CTNNB1: variants seen among roughly 807,000 people sequenced by gnomAD.
CTNNB1 encodes the protein catenin beta 1.
In CTNNB1, 6 loss-of-function variants were observed where a neutral mutation model predicts 82.5. That is an observed-to-expected ratio of 0.07 (90% CI 0.04 to 0.14). The LOEUF is 0.14. CTNNB1 is among the 10% of genes least tolerant of loss of function. The pLI is 1.00. For missense variants in CTNNB1, 529 were observed against 980.4 expected, an observed-to-expected ratio of 0.54 and a Z score of 6.15; for synonymous variants, 312 against 329.7, an observed-to-expected ratio of 0.95 and a Z score of 0.58.
At chr3:41,221,579 C>T (rs1299055647) in intron 1 of CTNNB1, 1 of 152,028 alleles carries the variant, frequency 6.6e-6, no homozygotes, top group African/African-American at 2.4e-5. Flanking sequence ...TCTTGTGCTG[C>T]AGCAATCCAC....
intron 3 of CTNNB1, 59 bp downstream of exon 3, chr3:41,224,812 A>G (rs2078136856): frequency 1.3e-6 from 2 of 1,594,852 alleles, no homozygotes; most frequent in South Asian, 1.1e-5. Flanking sequence ...TGAGAACTAA[A>G]AAGTTAGTGT....
intron 7 of CTNNB1, among the ~76,000 whole-genome samples, chr3:41,230,233 A>T (rs2078276941): frequency 6.6e-6 from 1 of 152,214 alleles, no homozygotes; most frequent in African/African-American, 2.4e-5. Flanking sequence ...GATGGGATGT[A>T]AATTCTGTCA....
chr3:41,240,021 G>GT lies in CTNNB1; in HGVS notation c.*685dup, dbSNP rs796633353. On this transcript the variant is annotated 3_prime_UTR_variant, in exon 15 of 15. Coordinates refer to ENST00000349496, the MANE Select transcript of CTNNB1 (RefSeq NM_001904.4). ...TTTTTTTTTTTTTTTTGCAGTAACT[G>GT]TTTTTTAAGTCTCTCGTAGTGTTAA... 3 of 46,142 alleles carry GT rather than the reference G, an allele frequency of 6.5e-5. No individual in the cohort carries two copies. The highest frequency in any genetic ancestry group is 3.0e-4 in the Admixed American group (1 of 3,330). The allele number at this position is 46,142 out of a possible 1,614,324, so 2.9% of individuals were successfully genotyped here. A position where few individuals can be genotyped will look rare whatever the true frequency, so the allele number is the denominator to read the frequency against.
chr3:41,236,971 G>T (rs2078451460), intron 13 of CTNNB1: 2 of 580,678 alleles, frequency 3.4e-6, no homozygotes, highest in South Asian at 4.5e-5. Flanking sequence ...AATGTTACCA[G>T]ATTAAAGAAG....
chr3:41,233,602 C>T lies in CTNNB1; in HGVS notation c.1259C>T (p.Ala420Val), dbSNP rs2125639086. The change falls in exon 9 of 15, where the codon GCA becomes GTA. Residue 420 changes from alanine to valine, a missense_variant. Coordinates refer to ENST00000349496, the MANE Select transcript of CTNNB1 (RefSeq NM_001904.4). ...GSDDINVVTC[A>V]AGILSNLTCN... The stretch of plus-strand genomic sequence containing the variant: ...GATGATATAAATGTGGTCACCTGTG[C>T]AGCTGGAATTCTTTCTAACCTCACT... 6.2e-7 allele frequency: 1 copy of T among 1,614,172 alleles called. No individual in the cohort carries two copies. Among genetic ancestry groups the T allele is most frequent in the Non-Finnish European group, 8.5e-7 (1 of 1,180,032 alleles).
chr3:41,218,352 C>CA (rs2077960281), intron 1 of CTNNB1, among the ~76,000 whole-genome samples: 1 of 152,000 alleles, frequency 6.6e-6, no homozygotes, highest in Non-Finnish European at 1.5e-5. Context: ...ATAATGTTAT[C>CA]TTAATGATAA....
At chr3:41,218,394 T>C (rs751615206) in intron 1 of CTNNB1, among the ~76,000 whole-genome samples, 1 of 152,228 alleles carries the variant, frequency 6.6e-6, no homozygotes, top group Non-Finnish European at 1.5e-5. Context: ...GGTTCCTCCT[T>C]ATAGTTCTTC....
intron 1 of CTNNB1, among the ~76,000 whole-genome samples, chr3:41,204,618 T>C (rs1242276861): frequency 6.6e-6 from 1 of 152,226 alleles, no homozygotes; most frequent in Non-Finnish European, 1.5e-5. Flanking sequence ...GAATATAGTT[T>C]ATGTTGCCAG....
chr3:41,221,839 C>CTG (rs1330974247), intron 1 of CTNNB1: 1 of 152,170 alleles, frequency 6.6e-6, no homozygotes, highest in Non-Finnish European at 1.5e-5. Flanking sequence ...GAAATGTCTA[C>CTG]TGGTTGGACC....
At chr3:41,202,764 T>G (rs1288574559) in intron 1 of CTNNB1, among the ~76,000 whole-genome samples, 1 of 152,006 alleles carries the variant, frequency 6.6e-6, no homozygotes, top group African/African-American at 2.4e-5. Flanking sequence ...TGATTTGTGT[T>G]GATCTAAATG....
At chr3:41,204,251 T>G (rs1238348600) in intron 1 of CTNNB1, among the ~76,000 whole-genome samples, 1 of 152,164 alleles carries the variant, frequency 6.6e-6, no homozygotes, top group African/African-American at 2.4e-5. Flanking sequence ...TAAGCTTCTG[T>G]TCTGATTTTT....
intron 1 of CTNNB1, among the ~76,000 whole-genome samples, chr3:41,202,681 A>G (rs2077560084): frequency 6.6e-6 from 1 of 152,202 alleles, no homozygotes; most frequent in Non-Finnish European, 1.5e-5. Context: ...GTAATATTGC[A>G]GTTGTGATTG....
At chr3:41,223,966 G>A in intron 1 of CTNNB1, 55 bp from the exon 2 acceptor site, 1 of 1,224,692 alleles carries the variant, frequency 8.2e-7, no homozygotes, top group South Asian at 1.2e-5. Flanking sequence ...AGTGACTTAG[G>A]AGTATTAATC....
chr3:41,238,249 G>A, intron 14 of CTNNB1, 173 bp downstream of exon 14: 1 of 644,092 alleles, frequency 1.6e-6, no homozygotes. Context: ...GGAGCACAGG[G>A]AATTCAGAGC....
rs1306221365 is a variant in CTNNB1, at chr3:41,236,362, C to T, written c.1817C>T (p.Pro606Leu). 1 of 1,613,980 alleles carries T rather than the reference C, an allele frequency of 6.2e-7. No individual in the cohort carries two copies. The highest frequency in any genetic ancestry group is 8.5e-7 in the Non-Finnish European group (1 of 1,179,994). ...TTTTCTCCTTAGCTGCTTTATTCTC[C>T]CATTGAAAACATCCAAAGAGTAGCT... is the stretch of plus-strand genomic sequence containing the variant. ...IPLFVQLLYS[P>L]IENIQRVAAG... The change falls in exon 12 of 15, where the codon CCC becomes CTC. Residue 606 changes from proline (P) to leucine (L), a missense_variant. Around this residue, in one of 4 missense-constraint regions of CTNNB1, gnomAD observed 411 missense variants for 776.4 expected, o/e 0.53. Coordinates refer to ENST00000349496, the MANE Select transcript of CTNNB1 (RefSeq NM_001904.4).
intron 13 of CTNNB1, 61 bp from the exon 14 acceptor site, chr3:41,237,955 G>T: frequency 7.0e-7 from 1 of 1,421,122 alleles, no homozygotes; most frequent in Non-Finnish European, 1.0e-6. Context: ...AAAAATTAGT[G>T]TACTTTTGAG....
chr3:41,204,500 A>G (rs2077604062), intron 1 of CTNNB1, among the ~76,000 whole-genome samples: 1 of 152,192 alleles, frequency 6.6e-6, no homozygotes, highest in Non-Finnish European at 1.5e-5. Context: ...TGGCTACTCA[A>G]ATGTCTCCAG....
intron 14 of CTNNB1, 86 bp from the exon 15 acceptor site, chr3:41,239,048 C>G (rs2078508894): frequency 1.7e-5 from 19 of 1,145,342 alleles, no homozygotes; most frequent in Non-Finnish European, 2.5e-5. Flanking sequence ...GATGCCCTAA[C>G]CTCAGTGTTA....
intron 13 of CTNNB1, chr3:41,237,094 G>A (rs2078453902): frequency 3.0e-6 from 1 of 336,024 alleles, no homozygotes; most frequent in Non-Finnish European, 5.5e-6. Context: ...TTTCTGCTAT[G>A]AATTTTTCTT....
Sources: allele counts gnomAD v4.1 joint callset (sites outside exome capture counted in the v4.1 genomes callset), GRCh38; gene constraint gnomAD v4.1.1; regional missense constraint gnomAD v4.1.1; transcripts MANE v1.5; gene names NCBI Gene and HGNC (gene_info 2026-07-23, HGNC 2026-07-21).